ARRDC3: variants seen among roughly 807,000 people sequenced by gnomAD.
The protein encoded by ARRDC3 is arrestin domain containing 3, also known as arrestin domain-containing protein 3.
A neutral mutation model predicts 47.2 loss-of-function variants in ARRDC3; 10 were observed. The ratio of observed to expected loss-of-function variants is 0.21; its 90% confidence interval spans 0.13 to 0.36. The LOEUF is 0.36. Ranked by LOEUF, ARRDC3 falls within the 10% of genes least tolerant of loss-of-function variation. ARRDC3 has a pLI of 1.00. For synonymous variants in ARRDC3, 156 were observed against 178.3 expected, an observed-to-expected ratio of 0.87 and a Z score of 1.00; for missense variants, 381 against 503.6, an observed-to-expected ratio of 0.76 and a Z score of 2.33.
intron 5 of ARRDC3, 40 bp downstream of exon 5, chr5:91,374,882 A>G (rs570725533): frequency 1.9e-6 from 3 of 1,596,580 alleles, no homozygotes; most frequent in East Asian, 4.5e-5. Context: ...GTTTCAAAAA[A>G]GAAAAAAGAA....
At position 91,378,727 on chromosome 5, in the gene ARRDC3, T is replaced by A; in HGVS notation, c.329A>T (p.His110Leu). Residue 110 changes from histidine to leucine, a missense_variant, in exon 2 of 8, where the codon CAT becomes CTT. His to Leu is a moderately conservative substitution (Grantham distance 99). Coordinates refer to ENST00000265138, the MANE Select transcript of ARRDC3 (RefSeq NM_020801.4). ...AAGCTCGAAGCTGAATGCATATTCA[T>A]GCCTTCCTGAATGAATAGTGTGGAA... ...EGFHTIHSGR[H>L]EYAFSFELPQ... 1 of 1,601,694 alleles carries A rather than the reference T, an allele frequency of 6.2e-7. No homozygotes were observed. Among genetic ancestry groups the A allele is most frequent in the South Asian group, 1.1e-5 (1 of 87,590 alleles).
In ARRDC3 at chr5:91,375,512, T is replaced by C; in HGVS notation, c.612A>G (p.Pro204=). 5 of 1,601,702 alleles carry C rather than the reference T, an allele frequency of 3.1e-6. No homozygotes were observed. The South Asian group carries it at 5.6e-5, about 18-fold the overall frequency. Residue 204 remains proline, a splice_region_variant and synonymous_variant, in exon 4 of 8, where the codon CCA becomes CCG. Coordinates refer to ENST00000265138, the MANE Select transcript of ARRDC3 (RefSeq NM_020801.4). Reference sequence around the variant, plus strand: ...TGTGGGAATCTACCTCTTACATACCTGGGGTATAGCCCTTCCTTTCAATTT... The same window carrying C: ...TGTGGGAATCTACCTCTTACATACCCGGGGTATAGCCCTTCCTTTCAATTT... ...SAKIERKGYT[P]GESIQIFAEI...
At chr5:91,373,584 C>T in intron 7 of ARRDC3, 100 bp downstream of exon 7, 1 of 1,164,214 alleles carries the variant, frequency 8.6e-7, no homozygotes, top group East Asian at 2.4e-5. Context: ...GTTCTGTTAA[C>T]ATGATAATCA....
intron 6 of ARRDC3, 121 bp from the exon 7 acceptor site, chr5:91,373,959 T>C (rs1485844717): frequency 1.4e-6 from 2 of 1,464,592 alleles, no homozygotes; most frequent in Non-Finnish European, 1.9e-6. Context: ...TGATCAAAAC[T>C]ATGAAGACAT....
rs1384875002 is a variant in ARRDC3, at chr5:91,369,443, CTT to C, written c.*1955_*1956del. 6.6e-6 allele frequency: 1 copy of C among 152,178 alleles called. No homozygotes were observed. The highest frequency in any genetic ancestry group is 1.9e-4 in the East Asian group (1 of 5,196). The allele number at this position is 152,178 out of a possible 1,614,324, so 9.4% of individuals were successfully genotyped here. On this transcript the variant is annotated 3_prime_UTR_variant, in exon 8 of 8. Coordinates refer to ENST00000265138, the MANE Select transcript of ARRDC3 (RefSeq NM_020801.4). ...TTAGTTTGCTACGGGAGCCCAAACT[CTT>C]TAACCGAATCACTTAAAACGCGATT... is the stretch of plus-strand genomic sequence containing the variant.
intron 1 of ARRDC3, among the ~76,000 whole-genome samples, chr5:91,379,450 T>C (rs1281543705): frequency 1.3e-5 from 2 of 152,102 alleles, no homozygotes; most frequent in Admixed American, 6.6e-5. Flanking sequence ...AACTATACCT[T>C]AGATAATTAC....
In ARRDC3 at chr5:91,378,591, GTTT is replaced by G. The variant is rs536147145; in HGVS notation, c.362+100_362+102del. 1.2e-5 allele frequency: 8 copies of G among 685,898 alleles called. No homozygotes were observed. In the African/African-American group the frequency reaches 1.4e-4, roughly 12 times the overall value. The allele number at this position is 685,898 out of a possible 1,614,324, so 42.5% of individuals were successfully genotyped here. A position where few individuals can be genotyped will look rare whatever the true frequency, so the allele number is the denominator to read the frequency against. On this transcript the variant is annotated intron_variant, in intron 2 of 7. Coordinates refer to ENST00000265138, the MANE Select transcript of ARRDC3 (RefSeq NM_020801.4). Reference sequence around the variant, plus strand: ...CTAGCAAGTTTCAGTAATGAAAAGGGTTTTTTTTTCAACTAAAAATGTTTAAAT... The same window carrying G: ...CTAGCAAGTTTCAGTAATGAAAAGGGTTTTTTCAACTAAAAATGTTTAAAT...
Position 91,370,903 on chromosome 5 carries a change from T to C in ARRDC3, c.*497A>G, listed in dbSNP as rs1232240116. The C allele has an allele frequency of 6.6e-6, 1 of 151,904 alleles. No homozygotes were observed. The highest frequency in any genetic ancestry group is 2.1e-4 in the South Asian group (1 of 4,824). 9.4% of individuals were successfully genotyped at this position (151,904 alleles called of 1,614,324 possible). On this transcript the variant is annotated 3_prime_UTR_variant, in exon 8 of 8. Coordinates refer to ENST00000265138, the MANE Select transcript of ARRDC3 (RefSeq NM_020801.4). ...CCAGGCTATATTAAATAAAAAAAAA[T>C]GTCAGTGCGTTTTTTCATGTTAAAG...
At position 91,369,256 on chromosome 5, in the gene ARRDC3, G is replaced by GT. The variant is rs1799112270; in HGVS notation, c.*2143dup. ...ACAATTGTTCCCTAGTCAGTTAGACGTAAGAGAGAAAAGGGATTTTCTGAC... is the reference window on the plus strand; with the variant it reads ...ACAATTGTTCCCTAGTCAGTTAGACGTTAAGAGAGAAAAGGGATTTTCTGAC... On this transcript the variant is annotated 3_prime_UTR_variant, in exon 8 of 8. Transcript: ENST00000265138. 6.6e-6 allele frequency: 1 copy of GT among 152,442 alleles called. No individual in the cohort carries two copies. The highest frequency in any genetic ancestry group is 2.1e-4 in the South Asian group (1 of 4,828). The allele number at this position is 152,442 out of a possible 1,614,324, so 9.4% of individuals were successfully genotyped here.
chr5:91,371,460 G>T lies in ARRDC3; in HGVS notation c.1189-4C>A. 6.2e-7 allele frequency: 1 copy of T among 1,611,870 alleles called. No homozygotes were observed. Among genetic ancestry groups the T allele is most frequent in the African/African-American group, 1.3e-5 (1 of 74,938 alleles). On this transcript the variant is annotated splice_region_variant and splice_polypyrimidine_tract_variant and intron_variant, in intron 7 of 7. Coordinates refer to ENST00000265138, the MANE Select transcript of ARRDC3 (RefSeq NM_020801.4). ...ACTGATCAGGATTTGGATCAATCTA[G>T]AAAGAAATGAGAAAAAAAGTTTACA...
Position 91,382,820 on chromosome 5 carries a change from G to A in ARRDC3, c.273C>T (p.His91=). Residue 91 remains histidine (H), a synonymous_variant, in exon 1 of 8, where the codon CAC becomes CAT. Transcript: ENST00000265138. ...TGAATAACAAAAACTTACCTCTTTC[G>A]TGCCCAATTAAGATGTCTTTATGGT... ...YFNHKDILIG[H]ERDDDNSEEG... 1 of 1,610,308 alleles carries A rather than the reference G, an allele frequency of 6.2e-7. No homozygotes were observed. Among genetic ancestry groups the A allele is most frequent in the Non-Finnish European group, 8.5e-7 (1 of 1,178,118 alleles).
At position 91,374,142 on chromosome 5, in the gene ARRDC3, G is replaced by A. The variant is rs772383068; in HGVS notation, c.1005C>T (p.Leu335=). The A allele has an allele frequency of 1.9e-6, 3 of 1,613,850 alleles. No homozygotes were observed. The highest frequency in any genetic ancestry group is 1.1e-5 in the South Asian group (1 of 91,024). ...SSQCSMNMNW[L]SLSLPERPEA... ...CAGGTCTTTCAGGAAGTGATAAACT[G>A]AGCCAGTTCATATTCATGCTACACT... is the stretch of plus-strand genomic sequence containing the variant. Residue 335 remains leucine, a synonymous_variant, in exon 6 of 8, where the codon CTC becomes CTT. Transcript: ENST00000265138.
chr5:91,375,929 AC>A (rs1799290783), intron 3 of ARRDC3, among the ~76,000 whole-genome samples: 1 of 152,134 alleles, frequency 6.6e-6, no homozygotes, highest in Non-Finnish European at 1.5e-5. Context: ...AATAAAAAAA[AC>A]CCTTTCCACA....
At chr5:91,371,517 G>GT in intron 7 of ARRDC3, 61 bp from the exon 8 acceptor site, 1 of 1,294,030 alleles carries the variant, frequency 7.7e-7, no homozygotes, top group Non-Finnish European at 1.1e-6. Flanking sequence ...GAAGAATGTA[G>GT]CAAATGACTA....
At chr5:91,372,505 A>G (rs963364623) in intron 7 of ARRDC3, among the ~76,000 whole-genome samples, 1 of 152,210 alleles carries the variant, frequency 6.6e-6, no homozygotes, top group Non-Finnish European at 1.5e-5. Flanking sequence ...GACTGACTTA[A>G]TAAGCAAGAC....
Position 91,383,117 on chromosome 5 carries a change from ATAATG to A in ARRDC3, c.-30_-26del, listed in dbSNP as rs751816830. On this transcript the variant is annotated 5_prime_UTR_variant, in exon 1 of 8. Transcript: ENST00000265138. ...TGTTTATAACAAAATCTATAAAAAT[ATAATG>A]TAAGACAAAAAAGTCAAGATCGCAT... 1.2e-5 allele frequency: 19 copies of A among 1,556,434 alleles called. No homozygotes were observed. Among genetic ancestry groups the A allele is most frequent in the Non-Finnish European group, 1.4e-5 (16 of 1,153,436 alleles).
intron 3 of ARRDC3, 165 bp downstream of exon 3, chr5:91,376,456 A>G (rs1029217360): frequency 1.9e-5 from 12 of 632,490 alleles, no homozygotes; most frequent in Non-Finnish European, 2.8e-5. Context: ...CATATTTTTC[A>G]TTAATTTCAG....
intron 6 of ARRDC3, 122 bp downstream of exon 6, chr5:91,373,992 G>A: frequency 7.1e-7 from 1 of 1,409,862 alleles, no homozygotes; most frequent in Non-Finnish European, 9.7e-7. Flanking sequence ...GAATATTAGG[G>A]GCACATCTAC....
rs927938341 is a variant in ARRDC3 at position 91,374,266 on chromosome 5, T to G, written c.881A>C (p.Asp294Ala). Residue 294 changes from aspartate to alanine, a missense_variant, in exon 6 of 8, where the codon GAT becomes GCT. By Grantham distance (126) the Asp-to-Ala change is moderately radical. Coordinates refer to ENST00000265138, the MANE Select transcript of ARRDC3 (RefSeq NM_020801.4). Reference protein sequence around the residue: ...RVEYSLMVYVDIPGAMDLFLN... With the variant: ...RVEYSLMVYVAIPGAMDLFLN... ...AAATAAATCCATAGCTCCAGGAATATCCACATATACCTAAACATTGCAAAG... is the reference window on the plus strand; with the variant it reads ...AAATAAATCCATAGCTCCAGGAATAGCCACATATACCTAAACATTGCAAAG... 16 of 1,612,684 alleles carry G rather than the reference T, an allele frequency of 9.9e-6. No homozygotes were observed. Among genetic ancestry groups the G allele is most frequent in the Non-Finnish European group, 1.4e-5 (16 of 1,179,250 alleles).
Sources: gnomAD v4.1 joint callset for allele counts (sites outside exome capture counted in the v4.1 genomes callset) on GRCh38, gnomAD v4.1.1 for gene constraint, MANE v1.5 for transcripts, NCBI Gene and HGNC (gene_info 2026-07-23, HGNC 2026-07-21) for gene names.